Variants in ADAMTS16 observed in about 807,000 individuals in gnomAD.
ADAMTS16 encodes the protein A disintegrin and metalloproteinase with thrombospondin motifs 16.
A neutral mutation model predicts 145.8 loss-of-function variants in ADAMTS16; 94 were observed. That is an observed-to-expected ratio of 0.64 (90% CI 0.55 to 0.77). The LOEUF (loss-of-function observed/expected upper bound fraction) is 0.77. Among genes scored for constraint, ADAMTS16 ranks in the 30% least tolerant of loss-of-function variants. The pLI, the probability that ADAMTS16 is intolerant of heterozygous loss-of-function variation, is 0.00. For missense variants in ADAMTS16, 1,585 were observed against 1,591.5 expected (o/e 1.00, Z 0.07); for synonymous variants, 659 against 604.3 (o/e 1.09, Z -1.33).
chr5:5,318,171 C>A lies in ADAMTS16; in HGVS notation c.3449C>A (p.Ser1150Tyr). 6.5e-7 allele frequency: 1 copy of A among 1,544,638 alleles called. No homozygotes were observed. Among genetic ancestry groups the A allele is most frequent in the Admixed American group, 1.9e-5 (1 of 51,548 alleles). ...TGTGGGGGAGGCGTTCAGACGAGGT[C>A]CGTGCAGTGCCTGGCTGGGGGCCGG... ...ASCGGGVQTR[S>Y]VQCLAGGRPA... Residue 1150 changes from serine (S) to tyrosine (Y), a missense_variant, in exon 22 of 23, where the codon TCC (serine) becomes TAC (tyrosine). This residue lies in a region of ADAMTS16 where 834 missense variants were observed against 811.7 expected (regional missense o/e 1.03). Transcript: ENST00000274181.
chr5:5,171,950 T>C (rs1735052560), intron 3 of ADAMTS16, among the ~76,000 whole-genome samples: 2 of 152,146 alleles, frequency 1.3e-5, no homozygotes, highest in African/African-American at 2.4e-5. Flanking sequence ...TTATTATTTG[T>C]TATTGGTCTG....
intron 21 of ADAMTS16, among the ~76,000 whole-genome samples, chr5:5,308,543 C>T (rs893031785): frequency 6.6e-6 from 1 of 152,320 alleles, no homozygotes; most frequent in East Asian, 1.9e-4. Flanking sequence ...GAGCACCTCA[C>T]ACCCTCAACC....
chr5:5,185,796 C>G (rs1012880515), intron 4 of ADAMTS16, among the ~76,000 whole-genome samples: 1 of 152,180 alleles, frequency 6.6e-6, no homozygotes, highest in African/African-American at 2.4e-5. Context: ...AGTGCCCTCT[C>G]TTGCTGTTTT....
In ADAMTS16 at chr5:5,204,752, G is replaced by A. The variant is rs181875264; in HGVS notation, c.1452-4341G>A. Among the ~76,000 whole-genome samples, 4 of 152,248 alleles carry A rather than the reference G, an allele frequency of 2.6e-5. No homozygotes were observed. In the East Asian group the frequency reaches 7.7e-4, roughly 29 times the overall value. On this transcript the variant is annotated intron_variant, in intron 9 of 22. Transcript: ENST00000274181. Reference sequence around the variant, plus strand: ...GAACAGCACTGTGAATATTCTCTTGGTTTGCATATGTGTCTTGAGTGTACA... The same window carrying A: ...GAACAGCACTGTGAATATTCTCTTGATTTGCATATGTGTCTTGAGTGTACA...
intron 9 of ADAMTS16, among the ~76,000 whole-genome samples, chr5:5,204,911 C>G (rs1266016856): frequency 6.6e-6 from 1 of 152,178 alleles, no homozygotes; most frequent in Non-Finnish European, 1.5e-5. Context: ...GTTTCAAATC[C>G]TTCCCAACAC....
At chr5:5,181,370 TAA>T (rs145403928) in intron 3 of ADAMTS16, among the ~76,000 whole-genome samples, 1 of 152,186 alleles carries the variant, frequency 6.6e-6, no homozygotes, top group Non-Finnish European at 1.5e-5. Context: ...CCCTAAAAGG[TAA>T]AAAAGCAATC....
rs1402905359 is a variant in ADAMTS16, at chr5:5,319,956, T to G, written c.*818T>G. The G allele has an allele frequency of 2.2e-6, 1 of 454,332 alleles. No individual in the cohort carries two copies. Among genetic ancestry groups the G allele is most frequent in the Admixed American group, 2.4e-5 (1 of 42,508 alleles). The allele number at this position is 454,332 out of a possible 1,614,324, so 28.1% of individuals were successfully genotyped here. ...TCTTTGTAAATGACAGATCGAAGTATAGGTTACATCAAAACCCTACCATCC... is the reference window on the plus strand; with the variant it reads ...TCTTTGTAAATGACAGATCGAAGTAGAGGTTACATCAAAACCCTACCATCC... On this transcript the variant is annotated 3_prime_UTR_variant, in exon 23 of 23. Coordinates refer to ENST00000274181, the MANE Select transcript of ADAMTS16 (RefSeq NM_139056.4).
intron 22 of ADAMTS16, 53 bp from the exon 23 acceptor site, chr5:5,318,970 C>T (rs1242650430): frequency 4.5e-6 from 6 of 1,337,500 alleles, no homozygotes; most frequent in African/African-American, 1.4e-5. Context: ...TAGCTGGCAA[C>T]ATCAGTCGCT....
At position 5,306,637 on chromosome 5, in the gene ADAMTS16, G is replaced by A. The variant is rs200531128; in HGVS notation, c.3320G>A (p.Arg1107His). 12 of 1,614,054 alleles carry A rather than the reference G, an allele frequency of 7.4e-6. No homozygotes were observed. The highest frequency in any genetic ancestry group is 5.0e-5 in the Admixed American group (3 of 59,998). The stretch of plus-strand genomic sequence containing the variant: ...CCGAAGCCCAGCCTGGAGCTGGAAC[G>A]TGCCTGCGCCCCGCTTCCATGCCCC... Reference protein sequence around the residue: ...HLPKPSLELERACAPLPCPRH... With the variant: ...HLPKPSLELEHACAPLPCPRH... The change falls in exon 21 of 23, where the codon CGT becomes CAT. Residue 1107 changes from arginine (R) to histidine (H), a missense_variant. Arg to His is a conservative substitution (Grantham distance 29). Transcript: ENST00000274181.
At chr5:5,225,419 A>G (rs904127341) in intron 11 of ADAMTS16, among the ~76,000 whole-genome samples, 7 of 152,180 alleles carry the variant, frequency 4.6e-5, no homozygotes, top group Non-Finnish European at 8.8e-5. Context: ...CCTGGCCAAC[A>G]CGGTGAAACC....
At chr5:5,191,917 T>G (rs1415614096) in intron 8 of ADAMTS16, 127 bp downstream of exon 8, 10 of 668,430 alleles carry the variant, frequency 1.5e-5, no homozygotes, top group Non-Finnish European at 2.1e-5. Context: ...AGAATGCCAT[T>G]GACAGTTATA....
chr5:5,311,725 GT>G (rs70965937), intron 21 of ADAMTS16, among the ~76,000 whole-genome samples: 1 of 149,006 alleles, frequency 6.7e-6, no homozygotes, highest in Non-Finnish European at 1.5e-5. Flanking sequence ...TTTTGTTTTT[GT>G]TTTTTTTGGT....
At chr5:5,233,479 T>C (rs1001679194) in intron 12 of ADAMTS16, among the ~76,000 whole-genome samples, 1 of 152,154 alleles carries the variant, frequency 6.6e-6, no homozygotes, top group African/African-American at 2.4e-5. Context: ...TTTGCAGTCC[T>C]CTCCTTCCTC....
intron 3 of ADAMTS16, among the ~76,000 whole-genome samples, chr5:5,179,293 T>C (rs1001629234): frequency 5.3e-5 from 8 of 151,800 alleles, no homozygotes; most frequent in African/African-American, 1.9e-4. Flanking sequence ...GCAGGGGAGA[T>C]GCTGAATCAC....
intron 3 of ADAMTS16, among the ~76,000 whole-genome samples, chr5:5,148,777 G>A (rs1438673656): frequency 6.6e-6 from 1 of 152,210 alleles, no homozygotes; most frequent in Admixed American, 6.5e-5. Flanking sequence ...ATGTATGGCT[G>A]CAGCCTAGCA....
At chr5:5,307,316 G>A (rs1480854374) in intron 21 of ADAMTS16, among the ~76,000 whole-genome samples, 3 of 152,194 alleles carry the variant, frequency 2.0e-5, no homozygotes, top group Non-Finnish European at 4.4e-5. Flanking sequence ...GCAGCACACT[G>A]CAAGCGTGTG....
intron 9 of ADAMTS16, among the ~76,000 whole-genome samples, chr5:5,206,438 A>AAAAAAAAAG: frequency 6.7e-6 from 1 of 148,788 alleles, no homozygotes; most frequent in Non-Finnish European, 1.5e-5. Context: ...AAAAAAAAAA[A>AAAAAAAAAG]AAAAAAAAAG....
chr5:5,203,089 A>G (rs1736005680), intron 9 of ADAMTS16, among the ~76,000 whole-genome samples: 3 of 152,222 alleles, frequency 2.0e-5, no homozygotes, highest in South Asian at 2.1e-4. Flanking sequence ...TAGCATTTCA[A>G]TGATAAACAT....
At chr5:5,270,433 G>C (rs1363330217) in intron 18 of ADAMTS16, among the ~76,000 whole-genome samples, 1 of 152,196 alleles carries the variant, frequency 6.6e-6, no homozygotes, top group East Asian at 1.9e-4. Context: ...GCATGATCCA[G>C]GTCTCCTGTC....
Sources: allele counts gnomAD v4.1 joint callset (sites outside exome capture counted in the v4.1 genomes callset), GRCh38; gene constraint gnomAD v4.1.1; regional missense constraint gnomAD v4.1.1; transcripts MANE v1.5; gene names NCBI Gene and HGNC (gene_info 2026-07-23, HGNC 2026-07-21).